PTGER3: variants seen among roughly 807,000 people sequenced by gnomAD.
PTGER3 encodes the protein prostaglandin E receptor 3.
A neutral mutation model predicts 34.7 loss-of-function variants in PTGER3; 22 were observed. That is an observed-to-expected ratio of 0.63 (90% CI 0.45 to 0.91). The LOEUF (loss-of-function observed/expected upper bound fraction) is 0.91, where lower values mean the gene tolerates loss of function less well. Among genes scored for constraint, PTGER3 ranks in the 40% least tolerant of loss-of-function variants. The pLI, the probability that PTGER3 is intolerant of heterozygous loss-of-function variation, is 0.00. For synonymous variants in PTGER3, 241 were observed against 230.1 expected (o/e 1.05, Z -0.43); for missense variants, 468 against 519.4 (o/e 0.90, Z 0.96).
chr1:70,882,054 A>T (rs1039320480), intron 4 of PTGER3, among the ~76,000 whole-genome samples: 20 of 152,140 alleles, frequency 1.3e-4, no homozygotes, highest in African/African-American at 4.8e-4. Context: ...TCTGGCAAGC[A>T]TTACCCACTT....
chr1:70,910,119 AC>A (rs1468621902), intron 4 of PTGER3, among the ~76,000 whole-genome samples: 1 of 152,234 alleles, frequency 6.6e-6, no homozygotes, highest in African/African-American at 2.4e-5. Context: ...CATGATCACA[AC>A]CTTAATGATA....
chr1:70,862,524 GGA>G, intron 4 of PTGER3: 1 of 477,988 alleles, frequency 2.1e-6, no homozygotes, highest in Admixed American at 2.6e-5. Flanking sequence ...GGAGGACAGG[GGA>G]GAGTCTCATG....
intron 4 of PTGER3, among the ~76,000 whole-genome samples, chr1:70,887,300 G>T (rs1045296882): frequency 6.6e-6 from 1 of 152,164 alleles, no homozygotes; most frequent in African/African-American, 2.4e-5. Context: ...CACTTTTCAT[G>T]CATGACTTGG....
Position 71,047,547 on chromosome 1 carries a change from C to T in PTGER3, c.31G>A (p.Ala11Thr), listed in dbSNP as rs951375962. Residue 11 changes from alanine (A) to threonine (T), a missense_variant, in exon 1 of 4, where the codon GCC (alanine) becomes ACC (threonine). By Grantham distance (58) the Ala-to-Thr change is moderately conservative. Around this residue, in one of 5 missense-constraint regions of PTGER3, gnomAD observed 151 missense variants for 133.5 expected, o/e 1.13. Transcript: ENST00000306666. MKETRGYGGD[A>T]PFCTRLNHSY... is the part of the protein sequence containing the mutation. ...TGGTTGAGGCGGGTGCAGAAGGGGG[C>T]ATCCCCTCCGTAGCCCCGGGTCTCC... is the stretch of plus-strand genomic sequence containing the variant. 1.9e-6 allele frequency: 3 copies of T among 1,569,126 alleles called. No homozygotes were observed. Among genetic ancestry groups the T allele is most frequent in the Non-Finnish European group, 1.7e-6 (2 of 1,155,068 alleles).
chr1:70,870,042 C>A (rs1646129797), intron 4 of PTGER3, among the ~76,000 whole-genome samples: 1 of 152,172 alleles, frequency 6.6e-6, no homozygotes, highest in Non-Finnish European at 1.5e-5. Flanking sequence ...TGTGAGGGCT[C>A]ACTCTGATAA....
chr1:70,895,559 A>C (rs989473238), intron 4 of PTGER3, among the ~76,000 whole-genome samples: 1 of 152,140 alleles, frequency 6.6e-6, no homozygotes, highest in Non-Finnish European at 1.5e-5. Context: ...TGAAATTCAG[A>C]CTCCAGATGC....
intron 2 of PTGER3, among the ~76,000 whole-genome samples, chr1:70,998,742 T>A (rs1656202889): frequency 6.6e-6 from 1 of 152,242 alleles, no homozygotes; most frequent in African/African-American, 2.4e-5. Flanking sequence ...CTGGTAGTTC[T>A]GTTTGTGACT....
chr1:71,017,936 T>C (rs1258303625), intron 1 of PTGER3, among the ~76,000 whole-genome samples: 1 of 152,188 alleles, frequency 6.6e-6, no homozygotes, highest in Non-Finnish European at 1.5e-5. Flanking sequence ...GGCTAATTTA[T>C]GTATTTTTAG....
intron 4 of PTGER3, among the ~76,000 whole-genome samples, chr1:70,916,931 G>C (rs892870603): frequency 1.3e-5 from 2 of 151,764 alleles, no homozygotes; most frequent in African/African-American, 4.8e-5. Flanking sequence ...ATATTTATGG[G>C]ATACAATATG....
chr1:70,974,585 C>G (rs149165495), intron 2 of PTGER3, among the ~76,000 whole-genome samples, 197 bp from the exon 3 acceptor site: 1 of 152,128 alleles, frequency 6.6e-6, no homozygotes, highest in Non-Finnish European at 1.5e-5. Flanking sequence ...GCATCAAATA[C>G]GACTTGCAGG....
At chr1:71,030,469 A>G (rs1422267262) in intron 1 of PTGER3, among the ~76,000 whole-genome samples, 3 of 152,200 alleles carry the variant, frequency 2.0e-5, no homozygotes, top group Admixed American at 2.0e-4. Flanking sequence ...ATACAGTTTT[A>G]TTTGTTTTAT....
At chr1:70,934,058 C>G (rs189444300) in intron 4 of PTGER3, among the ~76,000 whole-genome samples, 10 of 152,278 alleles carry the variant, frequency 6.6e-5, no homozygotes, top group Admixed American at 5.9e-4. Context: ...ATTATAATAA[C>G]AGCTCCATTT....
At chr1:70,999,497 G>T (rs1656281927) in intron 2 of PTGER3, among the ~76,000 whole-genome samples, 1 of 152,182 alleles carries the variant, frequency 6.6e-6, no homozygotes, top group East Asian at 1.9e-4. Context: ...GACAAAATGT[G>T]CTCCACTCAA....
intron 1 of PTGER3, among the ~76,000 whole-genome samples, chr1:71,031,710 C>T (rs1659430471): frequency 6.6e-6 from 1 of 152,196 alleles, no homozygotes; most frequent in African/African-American, 2.4e-5. Context: ...GTTTTCCAAA[C>T]CTGACCTGCC....
intron 2 of PTGER3, among the ~76,000 whole-genome samples, chr1:71,000,352 A>T (rs1656363603): frequency 6.6e-6 from 1 of 152,202 alleles, no homozygotes; most frequent in Non-Finnish European, 1.5e-5. Context: ...TGACATGAGA[A>T]TTTGATAACA....
intron 3 of PTGER3, chr1:70,953,663 A>G: frequency 1.3e-6 from 2 of 1,499,470 alleles, no homozygotes; most frequent in Non-Finnish European, 8.9e-7. Flanking sequence ...GAAAACACGA[A>G]CTTTCAATTT....
At chr1:71,007,731 A>C (rs1052949839) in intron 2 of PTGER3, 2 of 985,234 alleles carry the variant, frequency 2.0e-6, no homozygotes, top group African/African-American at 3.5e-5. Context: ...TGTATGAGAA[A>C]TCTATATTTG....
downstream of PTGER3, chr1:70,950,628 C>A (rs1361066476): frequency 6.6e-6 from 1 of 152,208 alleles, no homozygotes; most frequent in East Asian, 1.9e-4. Flanking sequence ...AGAGCTAAAA[C>A]TGATTTAAAT....
chr1:70,979,622 A>G (rs2100715841), intron 2 of PTGER3, among the ~76,000 whole-genome samples: 1 of 152,202 alleles, frequency 6.6e-6, no homozygotes, highest in African/African-American at 2.4e-5. Flanking sequence ...CTTACTTTCC[A>G]AAGTTTCCTT....
Sources: gnomAD v4.1 joint callset for allele counts (sites outside exome capture counted in the v4.1 genomes callset) on GRCh38, gnomAD v4.1.1 for gene constraint, gnomAD v4.1.1 regional missense constraint, MANE v1.5 for transcripts, NCBI Gene and HGNC (gene_info 2026-07-23, HGNC 2026-07-21) for gene names.